SPMIP7: variants seen among roughly 807,000 people sequenced by gnomAD.
SPMIP7 encodes sperm microtubule inner protein 7.
the SPMIP7 span, among the ~76,000 whole-genome samples, chr7:50,122,632 C>T: frequency 1.8e-4 from 27 of 150,194 alleles, no homozygotes; most frequent in Admixed American, 1.5e-3. Context: ...AACAGGCAAC[C>T]TACAAAATGG....
chr7:50,141,559 G>A, the SPMIP7 span: 2 of 560,640 alleles, frequency 3.6e-6, no homozygotes, highest in South Asian at 2.2e-5. Flanking sequence ...AGATTTTGGG[G>A]ATTGACTCAC....
chr7:50,116,317 G>T, the SPMIP7 span, among the ~76,000 whole-genome samples: 2 of 152,122 alleles, frequency 1.3e-5, no homozygotes, highest in East Asian at 1.9e-4. Context: ...GTCTCCCCAT[G>T]TTGCCCAAGC....
chr7:50,096,189 T>C, the SPMIP7 span: 9 of 1,551,788 alleles, frequency 5.8e-6, no homozygotes, highest in Middle Eastern at 3.3e-4. Flanking sequence ...TATTGTGATC[T>C]CTTAAGAAAA....
the SPMIP7 span, among the ~76,000 whole-genome samples, chr7:50,148,404 C>G: frequency 6.6e-6 from 1 of 152,314 alleles, no homozygotes; most frequent in African/African-American, 2.4e-5. Context: ...TTTATCAAGC[C>G]TTTCATGTGA....
At chr7:50,103,171 G>A in the SPMIP7 span, among the ~76,000 whole-genome samples, 9 of 151,598 alleles carry the variant, frequency 5.9e-5, no homozygotes, top group African/African-American at 1.5e-4. Flanking sequence ...CTCTCACAAT[G>A]CATCTCTCTC....
the SPMIP7 span, among the ~76,000 whole-genome samples, chr7:50,147,934 A>G: frequency 6.6e-6 from 1 of 152,142 alleles, no homozygotes; most frequent in South Asian, 2.1e-4. Context: ...ACTTTCCTCA[A>G]ATGGGGAGTG....
chr7:50,125,492 T>C, the SPMIP7 span, among the ~76,000 whole-genome samples: 1 of 149,234 alleles, frequency 6.7e-6, no homozygotes. Flanking sequence ...AATTGTGAAA[T>C]GGAGGATAGA....
At chr7:50,138,301 G>A in the SPMIP7 span, among the ~76,000 whole-genome samples, 5 of 152,174 alleles carry the variant, frequency 3.3e-5, no homozygotes, top group Admixed American at 3.3e-4. Flanking sequence ...TGTGAGTGCT[G>A]AGTCACAATG....
chr7:50,154,100 A>G, the SPMIP7 span, among the ~76,000 whole-genome samples: 3,142 of 152,152 alleles, frequency 0.021, 91 homozygotes, highest in African/African-American at 0.071. Flanking sequence ...ATTTGCATGT[A>G]TTTAAAAAAT....
chr7:50,128,638 A>C, the SPMIP7 span, among the ~76,000 whole-genome samples: 1 of 152,024 alleles, frequency 6.6e-6, no homozygotes, highest in Non-Finnish European at 1.5e-5. Context: ...GAAAGCCGAT[A>C]GTGGTAGAAT....
the SPMIP7 span, among the ~76,000 whole-genome samples, chr7:50,115,223 T>C: frequency 6.6e-6 from 1 of 152,160 alleles, no homozygotes; most frequent in Non-Finnish European, 1.5e-5. Context: ...AGGACTCAGA[T>C]ATTTTACAAT....
the SPMIP7 span, among the ~76,000 whole-genome samples, chr7:50,156,212 C>A: frequency 6.6e-6 from 1 of 152,160 alleles, no homozygotes; most frequent in Admixed American, 6.5e-5. Context: ...CTCTTCACAT[C>A]AAAAAGTATC....
the SPMIP7 span, among the ~76,000 whole-genome samples, chr7:50,107,371 AAAAAAAAAAAAAAAG>A: frequency 1.3e-5 from 1 of 77,430 alleles, no homozygotes; most frequent in African/African-American, 4.8e-5. Flanking sequence ...TCAAAAAAAA[AAAAAAAAAAAAAAAG>A]AAAAGAAAAG....
At chr7:50,098,199 A>C in the SPMIP7 span, among the ~76,000 whole-genome samples, 1 of 152,176 alleles carries the variant, frequency 6.6e-6, no homozygotes, top group African/African-American at 2.4e-5. Context: ...ATCATAAAAT[A>C]TTATATTGCT....
chr7:50,111,533 T>C, the SPMIP7 span, among the ~76,000 whole-genome samples: 6 of 152,198 alleles, frequency 3.9e-5, no homozygotes, highest in Non-Finnish European at 8.8e-5. Context: ...AGCCTCCATG[T>C]TGAATATACC....
chr7:50,134,238 A>G, the SPMIP7 span: 5 of 1,541,980 alleles, frequency 3.2e-6, no homozygotes, highest in Non-Finnish European at 4.4e-6. Context: ...GGTGCCAGCA[A>G]TAACTCAGGT....
chr7:50,115,051 G>A, the SPMIP7 span, among the ~76,000 whole-genome samples: 4 of 150,270 alleles, frequency 2.7e-5, no homozygotes, highest in African/African-American at 9.8e-5. Flanking sequence ...AAAAAAATTA[G>A]TACCCTACTT....
chr7:50,119,413 C>A, the SPMIP7 span, among the ~76,000 whole-genome samples: 2 of 152,064 alleles, frequency 1.3e-5, no homozygotes, highest in Non-Finnish European at 2.9e-5. Context: ...CCTCTTTTTC[C>A]TATTTCTGCC....
chr7:50,144,927 C>G, the SPMIP7 span, among the ~76,000 whole-genome samples: 4 of 151,790 alleles, frequency 2.6e-5, no homozygotes, highest in Admixed American at 2.6e-4. Flanking sequence ...CACTTATAAT[C>G]TGTGTCAAGC....
Sources: gnomAD v4.1 joint callset for allele counts (sites outside exome capture counted in the v4.1 genomes callset) on GRCh38, gnomAD v4.1.1 for gene constraint, MANE v1.5 for transcripts, NCBI Gene and HGNC (gene_info 2026-07-23, HGNC 2026-07-21) for gene names.